Variants in SCNN1G observed in about 807,000 individuals in gnomAD.
The protein encoded by SCNN1G is epithelial sodium channel subunit gamma.
In SCNN1G, 27 loss-of-function variants were observed where a neutral mutation model predicts 64.6. The ratio of observed to expected loss-of-function variants is 0.42; its 90% CI spans 0.31 to 0.58. The LOEUF is 0.58. Among genes scored for constraint, SCNN1G ranks in the 20% least tolerant of loss-of-function variants. SCNN1G has a pLI of 0.18. For synonymous variants in SCNN1G, 330 were observed against 314.2 expected, an observed-to-expected ratio of 1.05 and a Z score of -0.53; for missense variants, 743 against 823.4, an observed-to-expected ratio of 0.90 and a Z score of 1.19.
At chr16:23,207,237 G>A (rs372829097) in intron 6 of SCNN1G, among the ~76,000 whole-genome samples, 2 of 152,168 alleles carry the variant, frequency 1.3e-5, no homozygotes, top group African/African-American at 2.4e-5. Flanking sequence ...GGCTGCACTC[G>A]GCTTGCCTAA....
chr16:23,212,597 G>A, intron 8 of SCNN1G, 81 bp from the exon 9 acceptor site: 1 of 1,015,242 alleles, frequency 9.8e-7, no homozygotes, highest in South Asian at 1.3e-5. Context: ...GAGACTGCGG[G>A]GCTGTCCTTG....
rs1960142537 is a variant in SCNN1G at position 23,215,303 on chromosome 16, C to T, written c.1784C>T (p.Ala595Val). ...PRSPQGQDNP[A>V]LDIDDDLPTF... ...AGCCCACAGGGCCAGGACAATCCAG[C>T]CCTGGATATAGACGATGACCTACCC... is the stretch of plus-strand genomic sequence containing the variant. Residue 595 changes from alanine (A) to valine (V), a missense_variant, in exon 13 of 13, where the codon GCC becomes GTC. By Grantham distance (64) the Ala-to-Val change is moderately conservative. Transcript: ENST00000300061. 6.2e-7 allele frequency: 1 copy of T among 1,614,184 alleles called. No individual in the cohort carries two copies. The highest frequency in any genetic ancestry group is 8.5e-7 in the Non-Finnish European group (1 of 1,180,032).
chr16:23,196,047 A>G (rs756957495), intron 5 of SCNN1G: 1 of 152,198 alleles, frequency 6.6e-6, no homozygotes, highest in Non-Finnish European at 1.5e-5. Context: ...GAGAGATGAA[A>G]AATGAGTACA....
rs774394259 is a variant in SCNN1G at position 23,197,368 on chromosome 16, G to T, written c.1018G>T (p.Val340Phe). The T allele has an allele frequency of 3.7e-6, 6 of 1,613,922 alleles. No homozygotes were observed. The Admixed American group carries it at 6.7e-5, about 18-fold the overall frequency. ...IIHRQDEYPF[V>F]EDVGTEIETA... ...CCATCGGCAGGATGAGTATCCCTTC[G>T]TCGAAGATGTGGGAACAGAGATTGA... Residue 340 changes from valine (V) to phenylalanine (F), a missense_variant, in exon 6 of 13, where the codon GTC becomes TTC. Physicochemically the swap from Val to Phe is conservative, Grantham distance 50 (BLOSUM62 -1). Coordinates refer to ENST00000300061, the MANE Select transcript of SCNN1G (RefSeq NM_001039.4).
intron 4 of SCNN1G, among the ~76,000 whole-genome samples, chr16:23,193,454 T>A (rs1256105699): frequency 6.6e-6 from 1 of 152,108 alleles, no homozygotes; most frequent in Non-Finnish European, 1.5e-5. Context: ...GAGACCAGCC[T>A]GGGCAATGTG....
chr16:23,194,214 A>G lies in SCNN1G; in HGVS notation c.853A>G (p.Thr285Ala). The change falls in exon 5 of 13, where the codon ACT (threonine) becomes GCT (alanine). Residue 285 changes from threonine to alanine, a missense_variant. Thr to Ala is a moderately conservative substitution (Grantham distance 58). Coordinates refer to ENST00000300061, the MANE Select transcript of SCNN1G (RefSeq NM_001039.4). Reference sequence around the variant, plus strand: ...CCACCCGATGCATGGGAATTGCTATACTTTCAACAACAGAGAAAATGAGAC... The same window carrying G: ...CCACCCGATGCATGGGAATTGCTATGCTTTCAACAACAGAGAAAATGAGAC... ...FHHPMHGNCY[T>A]FNNRENETIL... is the part of the protein sequence containing the mutation. 6.2e-7 allele frequency: 1 copy of G among 1,614,062 alleles called. No homozygotes were observed. The highest frequency in any genetic ancestry group is 8.5e-7 in the Non-Finnish European group (1 of 1,179,978).
intron 1 of SCNN1G, among the ~76,000 whole-genome samples, chr16:23,185,502 A>C (rs147812397): frequency 1.4e-4 from 21 of 152,358 alleles, no homozygotes; most frequent in African/African-American, 4.8e-4. Flanking sequence ...CTCTAAATTA[A>C]TGGTATCTTA....
chr16:23,206,777 C>CCACACATACCTATGTGTGCA (rs1959998383), intron 6 of SCNN1G, among the ~76,000 whole-genome samples: 1 of 152,178 alleles, frequency 6.6e-6, no homozygotes, highest in South Asian at 2.1e-4. Flanking sequence ...TCACACACAT[C>CCACACATACCTATGTGTGCA]CACACATACC....
chr16:23,190,597 G>A (rs571517790), intron 3 of SCNN1G, among the ~76,000 whole-genome samples: 1 of 152,266 alleles, frequency 6.6e-6, no homozygotes, highest in Non-Finnish European at 1.5e-5. Flanking sequence ...GGTTGGTCAA[G>A]CTTGGGTCAC....
At chr16:23,214,811 G>T in intron 12 of SCNN1G, 24 bp downstream of exon 12, 1 of 1,584,982 alleles carries the variant, frequency 6.3e-7, no homozygotes, top group Non-Finnish European at 8.7e-7. Context: ...CTTCCTTCCA[G>T]GACCTGTCCT....
chr16:23,195,778 A>C (rs1260269341), intron 5 of SCNN1G: 1 of 104,400 alleles, frequency 9.6e-6, no homozygotes, highest in Non-Finnish European at 2.1e-5. Flanking sequence ...CATTGTTTGC[A>C]ATTGTTTACA....
chr16:23,198,927 A>C (rs1303939204), intron 6 of SCNN1G, among the ~76,000 whole-genome samples: 30 of 151,100 alleles, frequency 2.0e-4, no homozygotes, highest in Admixed American at 2.0e-3. Context: ...GCTGGGGCAC[A>C]CCTGTAGTCC....
At chr16:23,207,420 A>G (rs1960008115) in intron 6 of SCNN1G, among the ~76,000 whole-genome samples, 1 of 152,208 alleles carries the variant, frequency 6.6e-6, no homozygotes, top group Non-Finnish European at 1.5e-5. Flanking sequence ...GATGGCAAGG[A>G]ATTGTGACCT....
In SCNN1G at chr16:23,186,123, T is replaced by C; in HGVS notation, c.-44-105T>C. The C allele has an allele frequency of 5.5e-6, 4 of 727,900 alleles. No homozygotes were observed. The South Asian group carries it at 6.2e-5, about 11-fold the overall frequency. The allele number at this position is 727,900 out of a possible 1,614,324, so 45.1% of individuals were successfully genotyped here. A position where few individuals can be genotyped will look rare whatever the true frequency, so the allele number is the denominator to read the frequency against. On this transcript the variant is annotated intron_variant, in intron 1 of 12. Coordinates refer to ENST00000300061, the MANE Select transcript of SCNN1G (RefSeq NM_001039.4). The stretch of plus-strand genomic sequence containing the variant: ...GCCACAGAGGAACAGAGGAAGGAGG[T>C]CTCTAAGGGCGCATGGACTGGTGTT...
At position 23,187,734 on chromosome 16, in the gene SCNN1G, C is replaced by T. The variant is rs150987508; in HGVS notation, c.317+1146C>T. On this transcript the variant is annotated intron_variant, in intron 2 of 12. Transcript: ENST00000300061. ...TCATCGGGCCCTGGGTGTGATCAGC[C>T]CTTGGGACTGCCCTATCATCCTCGG... is the stretch of plus-strand genomic sequence containing the variant. 2.4e-3 allele frequency among the ~76,000 whole-genome samples: 363 copies of T among 152,072 alleles called. 1 individual carries two copies. Among genetic ancestry groups the T allele is most frequent in the African/African-American group, 5.7e-3 (237 of 41,546 alleles).
Position 23,189,609 on chromosome 16 carries a change from A to T in SCNN1G, c.556A>T (p.Ile186Phe), listed in dbSNP as rs13306664. The change falls in exon 3 of 13, where the codon ATC becomes TTC. Residue 186 changes from isoleucine to phenylalanine, a missense_variant. Ile to Phe is a conservative substitution (Grantham distance 21). Transcript: ENST00000300061. ...TGRKRKVGGSIIHKASNVMHI... is the reference protein window; with the variant it reads ...TGRKRKVGGSFIHKASNVMHI... The stretch of plus-strand genomic sequence containing the variant: ...GAGGAAGCGGAAAGTCGGCGGTAGC[A>T]TCATTCACAAGGCTTCAAATGTCAT... 1 of 1,614,238 alleles carries T rather than the reference A, an allele frequency of 6.2e-7. No homozygotes were observed. The highest frequency in any genetic ancestry group is 2.2e-5 in the East Asian group (1 of 44,878).
At position 23,186,577 on chromosome 16, in the gene SCNN1G, C is replaced by G; in HGVS notation, c.306C>G (p.Ile102Met). 1 of 1,612,506 alleles carries G rather than the reference C, an allele frequency of 6.2e-7. No homozygotes were observed. Among genetic ancestry groups the G allele is most frequent in the Non-Finnish European group, 8.5e-7 (1 of 1,179,920 alleles). The change falls in exon 2 of 13, where the codon ATC becomes ATG. Residue 102 changes from isoleucine to methionine, a missense_variant. Ile to Met is a conservative substitution (Grantham distance 10). Transcript: ENST00000300061. ...LDFPAVTICN[I>M]NPYKYSTVRH... ...TTCCTGCAGTCACCATCTGCAACAT[C>G]AACCCCTACAAGTAAGAGGCATGAG...
At chr16:23,209,927 T>C (rs919732697) in intron 7 of SCNN1G, 79 bp downstream of exon 7, 7 of 993,532 alleles carry the variant, frequency 7.0e-6, no homozygotes, top group Non-Finnish European at 3.2e-6. Context: ...AGCTGGGGTG[T>C]GGCTTGCACC....
chr16:23,206,421 A>C (rs1172119152), intron 6 of SCNN1G, among the ~76,000 whole-genome samples: 1 of 152,172 alleles, frequency 6.6e-6, no homozygotes, highest in Non-Finnish European at 1.5e-5. Flanking sequence ...CTCTGCTGCC[A>C]TCTGGGCTTT....
Sources: allele counts gnomAD v4.1 joint callset (sites outside exome capture counted in the v4.1 genomes callset), GRCh38; gene constraint gnomAD v4.1.1; transcripts MANE v1.5; gene names NCBI Gene and HGNC (gene_info 2026-07-23, HGNC 2026-07-21).